Variants in FBXO11 observed in about 807,000 individuals in gnomAD.
FBXO11 encodes F-box protein 11.
Under a neutral mutation model 117.0 loss-of-function variants are expected in FBXO11, and 13 were observed. The observed-to-expected ratio is 0.11, with a 90% CI of 0.07 to 0.18. FBXO11 has a LOEUF of 0.18. Ranked by LOEUF, FBXO11 falls within the 10% of genes least tolerant of loss-of-function variation. FBXO11 has a pLI of 1.00. For synonymous variants in FBXO11, 490 were observed against 380.5 expected (o/e 1.29, Z -3.35); for missense variants, 767 against 1,164.4 (o/e 0.66, Z 4.97).
intron 1 of FBXO11, among the ~76,000 whole-genome samples, chr2:47,878,549 G>A (rs946682171): frequency 6.6e-6 from 1 of 151,876 alleles, no homozygotes; most frequent in Non-Finnish European, 1.5e-5. Context: ...TAGAGATGGG[G>A]TTTCACCATG....
intron 1 of FBXO11, among the ~76,000 whole-genome samples, chr2:47,875,485 A>G (rs72811512): frequency 8.1e-4 from 100 of 123,830 alleles, no homozygotes; most frequent in Non-Finnish European, 9.6e-4. Context: ...AGATTCTGTC[A>G]TTCTTTTTTT....
At chr2:47,898,314 AT>A (rs886555213) in intron 1 of FBXO11, among the ~76,000 whole-genome samples, 27 of 152,198 alleles carry the variant, frequency 1.8e-4, no homozygotes, top group African/African-American at 6.0e-4. Context: ...GTTTAAGCAC[AT>A]TTTTTATGCT....
rs907416149 is a variant in FBXO11 at position 47,905,569 on chromosome 2, T to G, written c.152A>C (p.Gln51Pro). Residue 51 changes from glutamine (Q) to proline (P), a missense_variant, in exon 1 of 23, where the codon CAG (glutamine) becomes CCG (proline). Transcript: ENST00000403359. ...CGGCGGAGGCTGCTGCTGCTGCTGC[T>G]GCTGCGGCGGCGGCGGAGGCTGCTG... Reference protein sequence around the residue: ...PQQQPPPPPQQQQQQQPPPPP... With the variant: ...PQQQPPPPPQPQQQQQPPPPP... 2.6e-5 allele frequency: 33 copies of G among 1,250,296 alleles called. No individual in the cohort carries two copies. The Middle Eastern group carries it at 1.2e-3, about 47-fold the overall frequency. 77.5% of individuals were successfully genotyped at this position (1,250,296 alleles called of 1,614,324 possible).
intron 1 of FBXO11, among the ~76,000 whole-genome samples, chr2:47,878,244 T>C (rs982949699): frequency 6.6e-6 from 1 of 152,234 alleles, no homozygotes. Context: ...CAATATACAG[T>C]AGAGTTTTGG....
intron 1 of FBXO11, among the ~76,000 whole-genome samples, chr2:47,903,002 C>T (rs1319587562): frequency 6.6e-6 from 1 of 151,708 alleles, no homozygotes; most frequent in Non-Finnish European, 1.5e-5. Flanking sequence ...CAGCATATTC[C>T]TAAACTAGCA....
chr2:47,813,424 A>ATTTT lies in FBXO11; in HGVS notation c.2084-48_2084-47insAAAA, dbSNP rs146642271. 30 of 579,432 alleles carry ATTTT rather than the reference A, an allele frequency of 5.2e-5. No individual in the cohort carries two copies. In the East Asian group the frequency reaches 8.6e-4, roughly 17 times the overall value. The allele number at this position is 579,432 out of a possible 1,614,324, so 35.9% of individuals were successfully genotyped here. Reference sequence around the variant, plus strand: ...TTATCTAGAAGGTATATTTCTTTTTAATTTTTTTTTTTTTTTTTTTTTTTG... The same window carrying ATTTT: ...TTATCTAGAAGGTATATTTCTTTTTATTTTATTTTTTTTTTTTTTTTTTTTTTTG... On this transcript the variant is annotated intron_variant, in intron 17 of 22. Transcript: ENST00000403359.
At chr2:47,901,177 ATATG>A (rs1400479748) in intron 1 of FBXO11, among the ~76,000 whole-genome samples, 49 of 143,152 alleles carry the variant, frequency 3.4e-4, no homozygotes, top group Non-Finnish European at 6.8e-4. Context: ...ATATGTATAT[ATATG>A]TGGGTACATA....
Position 47,817,639 on chromosome 2 carries a change from T to C in FBXO11, c.2006+1140A>G, listed in dbSNP as rs376222966. ...AGTGAGAGATACGCAACTCCTCCTT[T>C]CACTTCAATACTTATAGAGGCCATT... On this transcript the variant is annotated intron_variant, in intron 16 of 22. Transcript: ENST00000403359. Among the ~76,000 whole-genome samples, 5 of 152,336 alleles carry C rather than the reference T, an allele frequency of 3.3e-5. 1 individual carries two copies. The South Asian group carries it at 1.0e-3, about 32-fold the overall frequency.
Position 47,808,097 on chromosome 2 carries a change from CTT to C in FBXO11, c.*19_*20del, listed in dbSNP as rs1305170297. 1.9e-6 allele frequency: 3 copies of C among 1,590,422 alleles called. No individual in the cohort carries two copies. Among genetic ancestry groups the C allele is most frequent in the East Asian group, 2.2e-5 (1 of 44,756 alleles). On this transcript the variant is annotated 3_prime_UTR_variant, in exon 23 of 23. Transcript: ENST00000403359. Reference sequence around the variant, plus strand: ...AAGTTATGATGTTACAATGGCAGGACTTTTTCTTTAGGGAAGGAATTCAGTTG... The same window carrying C: ...AAGTTATGATGTTACAATGGCAGGACTTTCTTTAGGGAAGGAATTCAGTTG...
intron 13 of FBXO11, among the ~76,000 whole-genome samples, chr2:47,821,708 C>T (rs948374455): frequency 6.6e-6 from 1 of 152,034 alleles, no homozygotes; most frequent in African/African-American, 2.4e-5. Context: ...TCGCTTGAAC[C>T]TGGGAGGCAG....
intron 1 of FBXO11, among the ~76,000 whole-genome samples, chr2:47,899,167 A>T (rs1262369894): frequency 6.6e-6 from 1 of 151,016 alleles, no homozygotes; most frequent in Non-Finnish European, 1.5e-5. Context: ...CCAGCTACTC[A>T]GGAGGCTGAG....
chr2:47,857,866 A>G (rs1246863107), intron 1 of FBXO11, among the ~76,000 whole-genome samples: 1 of 152,186 alleles, frequency 6.6e-6, no homozygotes, highest in Non-Finnish European at 1.5e-5. Context: ...TGCAGCTGGA[A>G]ATACAAGAAT....
chr2:47,820,751 A>G (rs1243021572), intron 13 of FBXO11, among the ~76,000 whole-genome samples: 2 of 152,218 alleles, frequency 1.3e-5, no homozygotes, highest in East Asian at 3.8e-4. Flanking sequence ...ATCAGTAAGT[A>G]TCTTTGTGCC....
chr2:47,904,203 TGACAACAAACGCATGTAAAA>T (rs1678552742), intron 1 of FBXO11, among the ~76,000 whole-genome samples: 2 of 152,190 alleles, frequency 1.3e-5, no homozygotes, highest in Non-Finnish European at 2.9e-5. Flanking sequence ...AATGGAGGTG[TGACAACAAACGCATGTAAAA>T]TTAACCTTAA....
At chr2:47,859,557 G>A (rs1316165032) in intron 1 of FBXO11, among the ~76,000 whole-genome samples, 2 of 152,184 alleles carry the variant, frequency 1.3e-5, no homozygotes, top group Non-Finnish European at 2.9e-5. Flanking sequence ...AAATGGATGA[G>A]ACCTCAAGAA....
intron 5 of FBXO11, among the ~76,000 whole-genome samples, 169 bp from the exon 6 acceptor site, chr2:47,835,040 C>T (rs1029254060): frequency 8.5e-5 from 13 of 152,060 alleles, no homozygotes; most frequent in African/African-American, 2.7e-4. Flanking sequence ...AGTTATGATC[C>T]GGTAATATCC....
chr2:47,810,499 GT>G, intron 18 of FBXO11, 73 bp from the exon 19 acceptor site: 1 of 938,564 alleles, frequency 1.1e-6, no homozygotes, highest in South Asian at 1.8e-5. Context: ...TGGTATTTAG[GT>G]TTGCTTTTAG....
intron 1 of FBXO11, among the ~76,000 whole-genome samples, chr2:47,883,039 A>G (rs980670375): frequency 6.6e-6 from 1 of 152,060 alleles, no homozygotes; most frequent in Middle Eastern, 3.2e-3. Flanking sequence ...AGTTCTTACC[A>G]TTCCTGCTTT....
chr2:47,856,847 C>A (rs1330588877), intron 1 of FBXO11, among the ~76,000 whole-genome samples: 1 of 152,082 alleles, frequency 6.6e-6, no homozygotes, highest in African/African-American at 2.4e-5. Flanking sequence ...GCAAGAACCA[C>A]GAATGTCGTA....
Sources: gnomAD v4.1 joint callset for allele counts (sites outside exome capture counted in the v4.1 genomes callset) on GRCh38, gnomAD v4.1.1 for gene constraint, MANE v1.5 for transcripts, NCBI Gene and HGNC (gene_info 2026-07-23, HGNC 2026-07-21) for gene names.